The following POLD1 variants were observed in gnomAD, a reference collection of about 807,000 sequenced individuals.
The protein encoded by POLD1 is DNA polymerase delta catalytic subunit.
In POLD1, 79 loss-of-function variants were observed where a neutral mutation model predicts 129.7. That is an observed-to-expected ratio of 0.61 (90% CI 0.51 to 0.73). The LOEUF is 0.73. Among genes scored for constraint, POLD1 ranks in the 30% least tolerant of loss-of-function variants. The pLI, the probability that POLD1 is intolerant of heterozygous loss-of-function variation, is 0.00. For missense variants in POLD1, 1,338 were observed against 1,595.8 expected (o/e 0.84, Z 2.75); for synonymous variants, 714 against 683.3 (o/e 1.04, Z -0.70).
At position 50,415,514 on chromosome 19, in the gene POLD1, C is replaced by G. The variant is rs1189641592; in HGVS notation, c.2641C>G (p.Leu881Val). The G allele has an allele frequency of 5.0e-6, 8 of 1,613,302 alleles. No homozygotes were observed. Among genetic ancestry groups the G allele is most frequent in the Non-Finnish European group, 5.9e-6 (7 of 1,179,932 alleles). Residue 881 changes from leucine to valine, a missense_variant, in exon 21 of 27, where the codon CTG becomes GTG. Leu to Val is a conservative substitution (Grantham distance 32). Transcript: ENST00000440232. ...GTGCAACCGCATCGATATCTCCCAG[C>G]TGGTCATCACCAAGGAGCTGACCCG... ...LLCNRIDISQ[L>V]VITKELTRAA...
At chr19:50,391,687 AG>A (rs1236944728) in intron 1 of POLD1, among the ~76,000 whole-genome samples, 1 of 22,340 alleles carries the variant, frequency 4.5e-5, no homozygotes, top group Non-Finnish European at 8.8e-5. Context: ...GGAGACTGAG[AG>A]GGGGGAGGGG....
At chr19:50,400,942 C>T (rs952966735) in intron 3 of POLD1, among the ~76,000 whole-genome samples, 43 of 150,874 alleles carry the variant, frequency 2.9e-4, no homozygotes, top group Non-Finnish European at 4.9e-4. Flanking sequence ...GTGATCCGCC[C>T]GCCTCAGCCT....
chr19:50,391,918 C>T (rs1601171030), intron 1 of POLD1, among the ~76,000 whole-genome samples: 1 of 151,970 alleles, frequency 6.6e-6, no homozygotes, highest in East Asian at 1.9e-4. Context: ...GTTTTCACCA[C>T]GTTGGCCAGG....
In POLD1 at chr19:50,399,363, C is replaced by G. The variant is rs1450684784; in HGVS notation, c.203-8C>G. On this transcript the variant is annotated splice_polypyrimidine_tract_variant and splice_region_variant and intron_variant, in intron 2 of 26. Transcript: ENST00000440232. ...CATGTACTCCACTTCCTTCCCTTCCCCCACCAGGGCAGGTCCCACCATCAG... is the reference window on the plus strand; with the variant it reads ...CATGTACTCCACTTCCTTCCCTTCCGCCACCAGGGCAGGTCCCACCATCAG... 6.2e-7 allele frequency: 1 copy of G among 1,606,992 alleles called. No individual in the cohort carries two copies. Among genetic ancestry groups the G allele is most frequent in the Admixed American group, 1.7e-5 (1 of 59,976 alleles).
Position 50,407,205 on chromosome 19 carries a change from C to A in POLD1, c.1686+31C>A, listed in dbSNP as rs776937116. 3 of 1,582,356 alleles carry A rather than the reference C, an allele frequency of 1.9e-6. No homozygotes were observed. In the African/African-American group the frequency reaches 4.0e-5, roughly 21 times the overall value. On this transcript the variant is annotated intron_variant, in intron 13 of 26. Transcript: ENST00000440232. ...TAGCCGAGACTTGTCCTCGCCACCC[C>A]CCACCAGGCACGTCTGTGGCCCCCT...
chr19:50,409,103 C>A lies in POLD1; in HGVS notation c.1893-19C>A. 1 of 1,572,068 alleles carries A rather than the reference C, an allele frequency of 6.4e-7. No homozygotes were observed. Among genetic ancestry groups the A allele is most frequent in the Admixed American group, 1.7e-5 (1 of 59,878 alleles). On this transcript the variant is annotated intron_variant, in intron 15 of 26. Transcript: ENST00000440232. This position sits in a 1 kb window ranked among gnomAD's most constrained non-coding sequence, Gnocchi z 5.8. The stretch of plus-strand genomic sequence containing the variant: ...AGCAGGAGGGTGGCCGGCAGTCACC[C>A]CAACATCTTCCAACCCAGCCTGACT...
intron 1 of POLD1, among the ~76,000 whole-genome samples, chr19:50,388,934 G>A (rs921934671): frequency 4.8e-5 from 7 of 144,996 alleles, no homozygotes; most frequent in Non-Finnish European, 1.0e-4. Flanking sequence ...CCAGGTTCAA[G>A]CGATTCTCCT....
At chr19:50,413,917 CTCA>C in intron 19 of POLD1, 38 bp downstream of exon 19, 3 of 1,549,748 alleles carry the variant, frequency 1.9e-6, no homozygotes, top group Non-Finnish European at 2.6e-6. Context: ...TTTAGGTGCC[CTCA>C]TCAGGGTACT....
intron 24 of POLD1, 43 bp from the exon 25 acceptor site, chr19:50,417,002 C>T (rs2039323593): frequency 1.3e-6 from 2 of 1,533,266 alleles, no homozygotes; most frequent in Non-Finnish European, 1.8e-6. Flanking sequence ...TGGCCCAGTT[C>T]CTGGCTGGGC....
rs1365539396 is a variant in POLD1 at position 50,415,714 on chromosome 19, C to G, written c.2718-10C>G. On this transcript the variant is annotated splice_polypyrimidine_tract_variant and intron_variant, in intron 21 of 26. Transcript: ENST00000440232. ...TGCCCTCACCCACCCGCCACCCCAT[C>G]TCCACGCAGGATGAGGAAGCGGGAC... The G allele has an allele frequency of 2.1e-6, 3 of 1,422,644 alleles. No individual in the cohort carries two copies. In the Admixed American group the frequency reaches 6.1e-5, roughly 29 times the overall value. The allele number at this position is 1,422,644 out of a possible 1,614,324, so 88.1% of individuals were successfully genotyped here. A position where few individuals can be genotyped will look rare whatever the true frequency, so the allele number is the denominator to read the frequency against.
rs2038934806 is a variant in POLD1, at chr19:50,407,369, G to T, written c.1729G>T (p.Gly577Cys). The change falls in exon 14 of 27, where the codon GGC becomes TGC. Residue 577 changes from glycine to cysteine, a missense_variant. Physicochemically the swap from Gly to Cys is radical, Grantham distance 159. This residue lies in a region of POLD1 where 720 missense variants were observed against 1,002.6 expected (regional missense o/e 0.72). Transcript: ENST00000440232. ...GLLMPVVKSE[G>C]GEDYTGATVI... ...GCTGATGCCCGTGGTGAAGTCAGAGGGCGGCGAGGACTACACGGGAGCCAC... is the reference window on the plus strand; with the variant it reads ...GCTGATGCCCGTGGTGAAGTCAGAGTGCGGCGAGGACTACACGGGAGCCAC... 1 of 1,612,812 alleles carries T rather than the reference G, an allele frequency of 6.2e-7. No homozygotes were observed. The highest frequency in any genetic ancestry group is 8.5e-7 in the Non-Finnish European group (1 of 1,179,592).
At position 50,406,119 on chromosome 19, in the gene POLD1, C is replaced by T. The variant is rs2038866652; in HGVS notation, c.1243-63C>T. 3.8e-6 allele frequency: 6 copies of T among 1,572,756 alleles called. No individual in the cohort carries two copies. Among genetic ancestry groups the T allele is most frequent in the Admixed American group, 1.7e-5 (1 of 58,264 alleles). On this transcript the variant is annotated intron_variant, in intron 10 of 26. Coordinates refer to ENST00000440232, the MANE Select transcript of POLD1 (RefSeq NM_002691.4). This position sits in a 1 kb window ranked among gnomAD's most constrained non-coding sequence, Gnocchi z 5.5. ...GGATGTTGTGGTTGGTCTCAATCTCCGTTCTTCAGGCTTATGTGACGGGGA... is the reference window on the plus strand; with the variant it reads ...GGATGTTGTGGTTGGTCTCAATCTCTGTTCTTCAGGCTTATGTGACGGGGA...
chr19:50,408,635 A>G, intron 14 of POLD1, 150 bp from the exon 15 acceptor site: 1 of 1,194,426 alleles, frequency 8.4e-7, no homozygotes, highest in Admixed American at 2.3e-5. Context: ...CTCCTGCCTC[A>G]GCCTCCCAAT....
chr19:50,402,171 G>A, intron 5 of POLD1, 34 bp from the exon 6 acceptor site: 1 of 1,588,610 alleles, frequency 6.3e-7, no homozygotes, highest in Non-Finnish European at 8.6e-7. Flanking sequence ...CCCTCGGGAG[G>A]CCATTGGCTG....
At chr19:50,415,918 T>A in intron 22 of POLD1, 92 bp downstream of exon 22, 1 of 1,005,590 alleles carries the variant, frequency 9.9e-7, no homozygotes, top group African/African-American at 1.6e-5. Flanking sequence ...GGGTGGGGCC[T>A]CCCGTGCCCT....
At chr19:50,410,335 G>C (rs902146165) in intron 17 of POLD1, among the ~76,000 whole-genome samples, 9 of 152,148 alleles carry the variant, frequency 5.9e-5, no homozygotes, top group Non-Finnish European at 1.3e-4. Context: ...TTCCAGGCCA[G>C]TAGTTGTGCT....
At position 50,407,221 on chromosome 19, in the gene POLD1, G is replaced by A. The variant is rs3219399; in HGVS notation, c.1686+47G>A. Reference sequence around the variant, plus strand: ...TCGCCACCCCCCACCAGGCACGTCTGTGGCCCCCTCCAGGCAATGGCATCC... The same window carrying A: ...TCGCCACCCCCCACCAGGCACGTCTATGGCCCCCTCCAGGCAATGGCATCC... On this transcript the variant is annotated intron_variant, in intron 13 of 26. Coordinates refer to ENST00000440232, the MANE Select transcript of POLD1 (RefSeq NM_002691.4). 15,867 of 1,569,870 alleles carry A rather than the reference G, an allele frequency of 0.01. 142 individuals are homozygous for A. Among genetic ancestry groups the A allele is most frequent in the Middle Eastern group, 0.018 (106 of 5,920 alleles).
At chr19:50,389,477 TGTC>T (rs1181562623) in intron 1 of POLD1, among the ~76,000 whole-genome samples, 1 of 152,276 alleles carries the variant, frequency 6.6e-6, no homozygotes, top group African/African-American at 2.4e-5. Flanking sequence ...ACAGTGTCAT[TGTC>T]ATCATCATGC....
At chr19:50,410,492 TCCCAAAGACCACTTA>T (rs2039053420) in intron 17 of POLD1, among the ~76,000 whole-genome samples, 2 of 151,926 alleles carry the variant, frequency 1.3e-5, no homozygotes, top group Admixed American at 1.3e-4. Context: ...GTTCTGGGGG[TCCCAAAGACCACTTA>T]GGTTCAGTGA....
Sources: allele counts gnomAD v4.1 joint callset (sites outside exome capture counted in the v4.1 genomes callset), GRCh38; gene constraint gnomAD v4.1.1; regional missense constraint gnomAD v4.1.1; non-coding constraint Gnocchi (gnomAD v3.1); transcripts MANE v1.5; gene names NCBI Gene and HGNC (gene_info 2026-07-23, HGNC 2026-07-21).